The following CELF4 variants were observed in gnomAD, a reference collection of about 807,000 sequenced individuals.
The protein encoded by CELF4 is CUG-BP- and ETR-3-like factor 4.
Under a neutral mutation model 59.9 loss-of-function variants are expected in CELF4, and 18 were observed. The observed-to-expected ratio is 0.30, with a 90% CI of 0.21 to 0.45. CELF4 has a LOEUF of 0.45. Ranked by LOEUF, CELF4 falls within the 20% of genes least tolerant of loss-of-function variation. The probability of loss-of-function intolerance (pLI) is 1.00; values close to 1 mark genes in which losing one functional copy is unlikely to be tolerated. For synonymous variants in CELF4, 261 were observed against 267.1 expected (o/e 0.98, Z 0.22); for missense variants, 456 against 689.0 (o/e 0.66, Z 3.79).
At chr18:37,519,897 C>T (rs533310732) in intron 1 of CELF4, among the ~76,000 whole-genome samples, 2 of 152,210 alleles carry the variant, frequency 1.3e-5, no homozygotes, top group African/African-American at 4.8e-5. Flanking sequence ...GGAAAAGGGA[C>T]TGGAATGACA....
chr18:37,309,359 C>T (rs973812020), intron 3 of CELF4, among the ~76,000 whole-genome samples: 1 of 152,204 alleles, frequency 6.6e-6, no homozygotes, highest in African/African-American at 2.4e-5. Context: ...GTGATCCTCA[C>T]CCAATTGTGC....
intron 1 of CELF4, among the ~76,000 whole-genome samples, chr18:37,503,860 A>C (rs1188922306): frequency 1.3e-5 from 2 of 152,076 alleles, no homozygotes; most frequent in African/African-American, 4.8e-5. Flanking sequence ...ACTCTGCTTC[A>C]TGCTCTCCCA....
chr18:37,308,471 A>G (rs1375781277), intron 3 of CELF4, among the ~76,000 whole-genome samples: 1 of 152,138 alleles, frequency 6.6e-6, no homozygotes, highest in Non-Finnish European at 1.5e-5. Flanking sequence ...CCCCTCTGCC[A>G]TGCAGGATGT....
intron 1 of CELF4, among the ~76,000 whole-genome samples, chr18:37,493,507 T>TG (rs1462031435): frequency 1.3e-5 from 2 of 151,890 alleles, no homozygotes; most frequent in Non-Finnish European, 2.9e-5. Flanking sequence ...TCTGGCTGGG[T>TG]GAGAGTGAGC....
intron 1 of CELF4, among the ~76,000 whole-genome samples, chr18:37,549,967 G>A (rs78108832): frequency 1.3e-5 from 2 of 151,184 alleles, no homozygotes; most frequent in Admixed American, 6.6e-5. Flanking sequence ...AGGCTATTTT[G>A]GCATTCGAAA....
chr18:37,396,884 T>C (rs1000978869), intron 2 of CELF4, among the ~76,000 whole-genome samples: 1 of 152,188 alleles, frequency 6.6e-6, no homozygotes, highest in Admixed American at 6.5e-5. Flanking sequence ...CTCCCCAGCA[T>C]GTTTGAGGCA....
chr18:37,515,135 AATTATCTC>A (rs2099949197), intron 1 of CELF4, among the ~76,000 whole-genome samples: 1 of 152,184 alleles, frequency 6.6e-6, no homozygotes, highest in Non-Finnish European at 1.5e-5. Context: ...CATGAGAGCC[AATTATCTC>A]TCTTTGTCAT....
At chr18:37,445,368 T>C (rs2099745316) in intron 2 of CELF4, among the ~76,000 whole-genome samples, 1 of 151,596 alleles carries the variant, frequency 6.6e-6, no homozygotes, top group South Asian at 2.1e-4. Context: ...GGTGTTTCGG[T>C]AGGCTGAGTC....
At chr18:37,532,318 T>C (rs1444383429) in intron 1 of CELF4, among the ~76,000 whole-genome samples, 1 of 152,156 alleles carries the variant, frequency 6.6e-6, no homozygotes, top group Admixed American at 6.5e-5. Flanking sequence ...CTGTGGCAGT[T>C]TGGGGAAATA....
At chr18:37,272,559 G>A (rs1029018006) in intron 7 of CELF4, among the ~76,000 whole-genome samples, 5 of 125,486 alleles carry the variant, frequency 4.0e-5, no homozygotes, top group Non-Finnish European at 6.5e-5. Flanking sequence ...TCTAGATTGG[G>A]TTAAAGGGAA....
At chr18:37,464,184 G>C (rs566594761) in intron 2 of CELF4, among the ~76,000 whole-genome samples, 1 of 152,206 alleles carries the variant, frequency 6.6e-6, no homozygotes, top group Non-Finnish European at 1.5e-5. Flanking sequence ...TGGAAAGCAC[G>C]GGGCTCGGGC....
At chr18:37,273,354 G>C in intron 6 of CELF4, 191 bp from the exon 7 acceptor site, 2 of 1,372,734 alleles carry the variant, frequency 1.5e-6, no homozygotes, top group East Asian at 5.4e-5. Flanking sequence ...CCACCACCCT[G>C]AGAGATGACT....
intron 2 of CELF4, among the ~76,000 whole-genome samples, chr18:37,390,617 G>A (rs1037002146): frequency 1.3e-5 from 2 of 152,174 alleles, no homozygotes; most frequent in Admixed American, 1.3e-4. Flanking sequence ...GAATTAAGCT[G>A]GGGGCAGGGG....
Position 37,384,810 on chromosome 18 carries a change from T to C in CELF4, c.370-62929A>G, listed in dbSNP as rs948625057. On this transcript the variant is annotated intron_variant, in intron 2 of 12. Transcript: ENST00000420428. ...AAGGAGCCCCTCCTGCTTTATCTGC[T>C]CCTTCTTGGACCAGGACCCATTCTT... Among the ~76,000 whole-genome samples, 21 of 152,284 alleles carry C rather than the reference T, an allele frequency of 1.4e-4. No homozygotes were observed. The Middle Eastern group carries it at 0.01, about 74-fold the overall frequency.
At chr18:37,528,766 G>A (rs2099966495) in intron 1 of CELF4, among the ~76,000 whole-genome samples, 1 of 152,164 alleles carries the variant, frequency 6.6e-6, no homozygotes, top group Non-Finnish European at 1.5e-5. Flanking sequence ...GTTACTGACT[G>A]CATGTATTAT....
In CELF4 at chr18:37,253,619, CCGAGGAGCAGGG is replaced by C. The variant is rs2066961063; in HGVS notation, c.*44+136_*44+147del. On this transcript the variant is annotated intron_variant, in intron 12 of 12. Coordinates refer to ENST00000420428, the MANE Select transcript of CELF4 (RefSeq NM_020180.4). This position sits in a 1 kb window ranked among gnomAD's most constrained non-coding sequence, Gnocchi z 4.5. ...GGGTGACGGCAGCTCTGCGCCTGGCCCGAGGAGCAGGGCGAGGAGCAGGTTGAGCCGGGCGCA... is the reference window on the plus strand; with the variant it reads ...GGGTGACGGCAGCTCTGCGCCTGGCCCGAGGAGCAGGTTGAGCCGGGCGCA... 1.8e-6 allele frequency: 1 copy of C among 562,484 alleles called. No individual in the cohort carries two copies. The highest frequency in any genetic ancestry group is 2.8e-5 in the South Asian group (1 of 35,238). 34.8% of individuals were successfully genotyped at this position (562,484 alleles called of 1,614,324 possible).
chr18:37,501,626 TG>T (rs1176503522), intron 1 of CELF4, among the ~76,000 whole-genome samples: 1 of 152,178 alleles, frequency 6.6e-6, no homozygotes, highest in African/African-American at 2.4e-5. Flanking sequence ...AGCTTCAGAC[TG>T]TAGAGGCCTG....
At chr18:37,536,497 G>A (rs1017191230) in intron 1 of CELF4, among the ~76,000 whole-genome samples, 1 of 152,202 alleles carries the variant, frequency 6.6e-6, no homozygotes, top group African/African-American at 2.4e-5. Flanking sequence ...CCAGCTACAG[G>A]TCTATGCAGG....
At chr18:37,280,155 CA>C (rs1461241169) in intron 3 of CELF4, among the ~76,000 whole-genome samples, 1 of 152,150 alleles carries the variant, frequency 6.6e-6, no homozygotes, top group Non-Finnish European at 1.5e-5. Context: ...CTCACCACCC[CA>C]CCTGCGCAGG....
Sources: allele counts gnomAD v4.1 joint callset (sites outside exome capture counted in the v4.1 genomes callset), GRCh38; gene constraint gnomAD v4.1.1; non-coding constraint Gnocchi (gnomAD v3.1); transcripts MANE v1.5; gene names NCBI Gene and HGNC (gene_info 2026-07-23, HGNC 2026-07-21).